The following FOXP1 variants were observed in gnomAD, a reference collection of about 807,000 sequenced individuals.
FOXP1 encodes forkhead box P1.
A neutral mutation model predicts 98.2 loss-of-function variants in FOXP1; 15 were observed. The ratio of observed to expected loss-of-function variants is 0.15; its 90% CI spans 0.10 to 0.24. The LOEUF is 0.24. FOXP1 is among the 10% of genes least tolerant of loss of function. FOXP1 has a pLI of 1.00. For missense variants in FOXP1, 633 were observed against 848.5 expected, an observed-to-expected ratio of 0.75 and a Z score of 3.15; for synonymous variants, 371 against 314.5, an observed-to-expected ratio of 1.18 and a Z score of -1.90.
chr3:71,232,732 C>G (rs9637491), intron 5 of FOXP1, among the ~76,000 whole-genome samples: 1 of 151,612 alleles, frequency 6.6e-6, no homozygotes, highest in African/African-American at 2.4e-5. Flanking sequence ...AACCCTGTGT[C>G]TACCAAAAAT....
intron 6 of FOXP1, among the ~76,000 whole-genome samples, chr3:71,176,743 CAAAAAAAA>C (rs573639526): frequency 1.2e-4 from 9 of 75,548 alleles, no homozygotes; most frequent in African/African-American, 5.6e-4. Flanking sequence ...GAGGCTATCT[CAAAAAAAA>C]AAAAAAAAAA....
intron 5 of FOXP1, among the ~76,000 whole-genome samples, chr3:71,237,231 GAAAAAAAAAAAA>G (rs757405755): frequency 3.5e-3 from 100 of 28,288 alleles, no homozygotes; most frequent in East Asian, 5.4e-3. Flanking sequence ...GACTCCATCT[GAAAAAAAAAAAA>G]AAAAAAAAAA....
intron 20 of FOXP1, among the ~76,000 whole-genome samples, chr3:70,964,599 A>ATAT (rs977345194): frequency 2.0e-5 from 3 of 152,224 alleles, no homozygotes; most frequent in Non-Finnish European, 4.4e-5. Context: ...ATGATTTAAG[A>ATAT]TGAATACAAA....
intron 4 of FOXP1, among the ~76,000 whole-genome samples, chr3:71,347,900 A>C (rs1181782961): frequency 6.6e-6 from 1 of 150,420 alleles, no homozygotes; most frequent in Admixed American, 6.6e-5. Flanking sequence ...AAAAAAAAAC[A>C]GAGTTGTCCC....
intron 3 of FOXP1, among the ~76,000 whole-genome samples, chr3:71,458,588 A>G (rs1241749998): frequency 1.3e-5 from 2 of 152,240 alleles, no homozygotes; most frequent in East Asian, 3.8e-4. Flanking sequence ...GCAAAATAAC[A>G]GAATATAGCA....
At chr3:71,364,587 C>CGAAA (rs1309465644) in intron 3 of FOXP1, among the ~76,000 whole-genome samples, 2 of 152,022 alleles carry the variant, frequency 1.3e-5, no homozygotes, top group East Asian at 3.8e-4. Flanking sequence ...TTATTTATTT[C>CGAAA]TAAATAAAAC....
chr3:71,234,611 T>C (rs1260581883), intron 5 of FOXP1, among the ~76,000 whole-genome samples: 1 of 152,218 alleles, frequency 6.6e-6, no homozygotes, highest in Non-Finnish European at 1.5e-5. Context: ...CTGTCCTCTC[T>C]GAGGTGTCTG....
intron 6 of FOXP1, among the ~76,000 whole-genome samples, chr3:71,128,839 G>GC (rs1441147731): frequency 6.6e-6 from 1 of 151,880 alleles, no homozygotes; most frequent in African/African-American, 2.4e-5. Flanking sequence ...AAAAAGCCTG[G>GC]CAAATTCTCA....
chr3:71,191,403 C>A (rs140086881), intron 6 of FOXP1, among the ~76,000 whole-genome samples: 2 of 152,238 alleles, frequency 1.3e-5, no homozygotes, highest in Non-Finnish European at 2.9e-5. Context: ...TTAAAATTAT[C>A]TTTTCAAAGT....
chr3:71,047,481 G>A (rs1193766862), intron 9 of FOXP1, among the ~76,000 whole-genome samples: 1 of 152,158 alleles, frequency 6.6e-6, no homozygotes, highest in Non-Finnish European at 1.5e-5. Context: ...AGGTGTAAAA[G>A]AACAAGTTGC....
intron 3 of FOXP1, among the ~76,000 whole-genome samples, chr3:71,441,544 T>C (rs1461928929): frequency 6.6e-6 from 1 of 152,208 alleles, no homozygotes; most frequent in Non-Finnish European, 1.5e-5. Flanking sequence ...CTGTGCTAAA[T>C]GCTCTAGGAG....
At chr3:71,354,478 T>C (rs1054459952) in intron 4 of FOXP1, among the ~76,000 whole-genome samples, 3 of 152,204 alleles carry the variant, frequency 2.0e-5, no homozygotes, top group African/African-American at 7.2e-5. Flanking sequence ...CACTGAGCCA[T>C]TGCAGCGCTT....
chr3:71,167,753 T>G (rs2061459204), intron 6 of FOXP1, among the ~76,000 whole-genome samples: 1 of 152,212 alleles, frequency 6.6e-6, no homozygotes, highest in African/African-American at 2.4e-5. Flanking sequence ...CCTCTTGCAT[T>G]TTAAATCTTT....
chr3:71,113,661 C>T (rs1367073714), intron 6 of FOXP1, among the ~76,000 whole-genome samples: 3 of 147,280 alleles, frequency 2.0e-5, no homozygotes, highest in Admixed American at 6.9e-5. Context: ...TAGGGTAAGT[C>T]GAGATCGCAC....
chr3:71,079,579 C>T (rs1272449313), intron 7 of FOXP1, among the ~76,000 whole-genome samples: 1 of 152,154 alleles, frequency 6.6e-6, no homozygotes, highest in Non-Finnish European at 1.5e-5. Context: ...TAAATGTGTG[C>T]ACTCCAATGT....
chr3:71,252,539 T>A (rs989172075), intron 5 of FOXP1, among the ~76,000 whole-genome samples: 1 of 144,562 alleles, frequency 6.9e-6, no homozygotes, highest in African/African-American at 2.5e-5. Context: ...AGAAAACAAT[T>A]CTTAGTCCTT....
chr3:71,040,101 G>GTGTGTA (rs1553706174), intron 11 of FOXP1, among the ~76,000 whole-genome samples: 6 of 149,976 alleles, frequency 4.0e-5, no homozygotes, highest in African/African-American at 1.5e-4. Flanking sequence ...GTGTGTGTGT[G>GTGTGTA]TGTATGTATG....
intron 11 of FOXP1, among the ~76,000 whole-genome samples, chr3:71,030,347 T>C (rs1396321032): frequency 1.3e-5 from 2 of 152,210 alleles, no homozygotes; most frequent in African/African-American, 2.4e-5. Flanking sequence ...TGCCCTTAGA[T>C]TGGAGGGGGT....
intron 5 of FOXP1, among the ~76,000 whole-genome samples, chr3:71,283,399 T>C (rs35775925): frequency 0.11 from 16,955 of 151,890 alleles, 1,054 homozygotes; most frequent in East Asian, 0.17. Flanking sequence ...TGGACACTAC[T>C]GCAAAGCTTC....
Sources: allele counts gnomAD v4.1 joint callset (sites outside exome capture counted in the v4.1 genomes callset), GRCh38; gene constraint gnomAD v4.1.1; transcripts MANE v1.5; gene names NCBI Gene and HGNC (gene_info 2026-07-23, HGNC 2026-07-21).